The following ITGA6 variants were observed in gnomAD, a reference collection of about 807,000 sequenced individuals.
The protein encoded by ITGA6 is integrin subunit alpha 6, also known as integrin alpha-6.
A neutral mutation model predicts 133.6 loss-of-function variants in ITGA6; 63 were observed. The ratio of observed to expected loss-of-function variants is 0.47; its 90% CI spans 0.38 to 0.58. The LOEUF is 0.58. Ranked by LOEUF, ITGA6 falls within the 20% of genes least tolerant of loss-of-function variation. The pLI, the probability that ITGA6 is intolerant of heterozygous loss-of-function variation, is 0.00. For missense variants in ITGA6, 1,068 were observed against 1,309.4 expected, an observed-to-expected ratio of 0.82 and a Z score of 2.85; for synonymous variants, 434 against 482.0, an observed-to-expected ratio of 0.90 and a Z score of 1.30.
chr2:172,476,506 A>T lies in ITGA6; in HGVS notation c.1381A>T (p.Ile461Phe). ...TGGTTCCCTCTCAGATTCAGTAACT[A>T]TTTTCAGGTCTGTTATCTATGATTT... ...AVGSLSDSVTIFRSRPVINIQ... is the reference protein window; with the variant it reads ...AVGSLSDSVTFFRSRPVINIQ... The change falls in exon 9 of 26, where the codon ATT (isoleucine) becomes TTT (phenylalanine). Residue 461 changes from isoleucine to phenylalanine, a missense_variant. Ile to Phe is a conservative substitution (Grantham distance 21). This residue lies in a region of ITGA6 where 317 missense variants were observed against 456.9 expected (regional missense o/e 0.69). Coordinates refer to ENST00000684293, the MANE Select transcript of ITGA6 (RefSeq NM_000210.4). 6.5e-7 allele frequency: 1 copy of T among 1,541,584 alleles called. No individual in the cohort carries two copies. Among genetic ancestry groups the T allele is most frequent in the Non-Finnish European group, 9.0e-7 (1 of 1,114,002 alleles).
intron 11 of ITGA6, among the ~76,000 whole-genome samples, 173 bp downstream of exon 11, chr2:172,480,224 A>C (rs547634264): frequency 4.3e-4 from 65 of 152,340 alleles, no homozygotes; most frequent in Admixed American, 4.2e-3. Context: ...CAGCACCGTG[A>C]GGGAGGAAAA....
chr2:172,495,532 CAAAAACAAA>C (rs777529887), intron 23 of ITGA6: 7 of 151,222 alleles, frequency 4.6e-5, no homozygotes, highest in Non-Finnish European at 1.0e-4. Flanking sequence ...ATACCAGAAA[CAAAAACAAA>C]AAAAACAAAA....
intron 1 of ITGA6, among the ~76,000 whole-genome samples, chr2:172,456,184 G>A (rs1358560595): frequency 6.6e-6 from 1 of 152,170 alleles, no homozygotes; most frequent in Non-Finnish European, 1.5e-5. Context: ...TTCTGTCAGT[G>A]GATACCTGGA....
chr2:172,441,059 C>T (rs1451132878), intron 1 of ITGA6, among the ~76,000 whole-genome samples: 4 of 142,850 alleles, frequency 2.8e-5, no homozygotes, highest in African/African-American at 5.1e-5. Flanking sequence ...TTCTCCCCAC[C>T]CTGCTTCCTT....
intron 23 of ITGA6, among the ~76,000 whole-genome samples, chr2:172,497,234 G>A (rs762911698): frequency 3.9e-5 from 6 of 152,128 alleles, no homozygotes; most frequent in Admixed American, 2.0e-4. Flanking sequence ...GGCCAGGTGA[G>A]GTGGCTCATA....
At chr2:172,434,355 C>G (rs1280195862) in intron 1 of ITGA6, among the ~76,000 whole-genome samples, 1 of 152,180 alleles carries the variant, frequency 6.6e-6, no homozygotes, top group Non-Finnish European at 1.5e-5. Flanking sequence ...CAACTAATAA[C>G]AGGGTTTGAT....
chr2:172,459,266 C>T (rs10202463), intron 1 of ITGA6, among the ~76,000 whole-genome samples: 12,491 of 152,126 alleles, frequency 0.082, 723 homozygotes, highest in African/African-American at 0.17. Flanking sequence ...GTAGCTGGGG[C>T]CTCAAGGTAG....
chr2:172,448,795 T>G lies in ITGA6; in HGVS notation c.183-16744T>G, dbSNP rs1462755817. Among the ~76,000 whole-genome samples, 5 of 152,288 alleles carry G rather than the reference T, an allele frequency of 3.3e-5. No homozygotes were observed. In the East Asian group the frequency reaches 7.7e-4, roughly 23 times the overall value. On this transcript the variant is annotated intron_variant, in intron 1 of 25. Coordinates refer to ENST00000684293, the MANE Select transcript of ITGA6 (RefSeq NM_000210.4). The stretch of plus-strand genomic sequence containing the variant: ...AACTGGATTATCCAGTAAGTATAAT[T>G]TAAAAATAGGGTTTGGTTTTTCTTC...
intron 10 of ITGA6, 47 bp downstream of exon 10, chr2:172,479,786 C>G: frequency 6.7e-7 from 1 of 1,497,588 alleles, no homozygotes; most frequent in Non-Finnish European, 9.3e-7. Context: ...TTTCCCACCT[C>G]CACTTCATGA....
At chr2:172,450,922 T>C (rs1272205810) in intron 1 of ITGA6, among the ~76,000 whole-genome samples, 2 of 147,060 alleles carry the variant, frequency 1.4e-5, no homozygotes, top group Non-Finnish European at 3.0e-5. Context: ...ATATAAATTA[T>C]ATAAATTTAA....
intron 1 of ITGA6, among the ~76,000 whole-genome samples, chr2:172,452,109 A>G (rs957362624): frequency 1.3e-5 from 2 of 152,066 alleles, no homozygotes; most frequent in East Asian, 3.9e-4. Context: ...TTTGATTTAG[A>G]AAGAGGTGGA....
chr2:172,498,831 A>C (rs189799943), intron 24 of ITGA6, among the ~76,000 whole-genome samples: 5 of 152,304 alleles, frequency 3.3e-5, no homozygotes, highest in African/African-American at 9.6e-5. Context: ...CCATTCCAAA[A>C]AGCTCTGAAA....
chr2:172,475,184 G>T, intron 7 of ITGA6, 62 bp downstream of exon 7: 1 of 1,145,496 alleles, frequency 8.7e-7, no homozygotes, highest in East Asian at 2.4e-5. Flanking sequence ...AAATAATAGC[G>T]CTGCTGGGCA....
chr2:172,485,017 G>C, intron 12 of ITGA6, 75 bp downstream of exon 12: 1 of 1,599,466 alleles, frequency 6.3e-7, no homozygotes, highest in South Asian at 1.1e-5. Context: ...ACAGATTTCT[G>C]AAATTTATTC....
chr2:172,469,477 G>A (rs377310293), intron 4 of ITGA6, 97 bp downstream of exon 4: 49 of 1,118,352 alleles, frequency 4.4e-5, no homozygotes, highest in South Asian at 2.2e-4. Flanking sequence ...GAAGACATTC[G>A]TATATTATAA....
rs1212437087 is a variant in ITGA6, at chr2:172,505,397, A to AAACAGTT, written c.*1332_*1338dup. On this transcript the variant is annotated 3_prime_UTR_variant, in exon 26 of 26. Coordinates refer to ENST00000684293, the MANE Select transcript of ITGA6 (RefSeq NM_000210.4). ...TATAAGACTACTGAATCTGCTACCA[A>AAACAGTT]AACAGTTAATCAGTGAGTCGATGTT... 9 of 152,180 alleles carry AAACAGTT rather than the reference A, an allele frequency of 5.9e-5. No individual in the cohort carries two copies. The highest frequency in any genetic ancestry group is 2.6e-4 in the Admixed American group (4 of 15,276). 9.4% of individuals were successfully genotyped at this position (152,180 alleles called of 1,614,324 possible).
At position 172,450,833 on chromosome 2, in the gene ITGA6, A is replaced by T. The variant is rs1008484214; in HGVS notation, c.183-14706A>T. 2.4e-3 allele frequency among the ~76,000 whole-genome samples: 349 copies of T among 146,636 alleles called. 2 individuals carry two copies. The highest frequency in any genetic ancestry group is 4.1e-3 in the Non-Finnish European group (275 of 67,014). ...TTGTATGTATGTGTATATATATATA[A>T]AATATATATATAATTTATGTATTTA... On this transcript the variant is annotated intron_variant, in intron 1 of 25. Coordinates refer to ENST00000684293, the MANE Select transcript of ITGA6 (RefSeq NM_000210.4).
intron 24 of ITGA6, among the ~76,000 whole-genome samples, chr2:172,499,994 T>G (rs1202603022): frequency 6.6e-6 from 1 of 152,228 alleles, no homozygotes; most frequent in Admixed American, 6.5e-5. Context: ...AAAATACGAC[T>G]TATACAACCC....
In ITGA6 at chr2:172,474,850, T is replaced by A. The variant is rs974235480; in HGVS notation, c.987-79T>A. 8.8e-6 allele frequency: 7 copies of A among 793,458 alleles called. No individual in the cohort carries two copies. The African/African-American group carries it at 1.2e-4, about 13-fold the overall frequency. 49.2% of individuals were successfully genotyped at this position (793,458 alleles called of 1,614,324 possible). A position where few individuals can be genotyped will look rare whatever the true frequency, so the allele number is the denominator to read the frequency against. ...TGAGGGCCTTTCTATTATATGTCTT[T>A]GTATCCTTAGTACCTAGACTGGTGT... On this transcript the variant is annotated intron_variant, in intron 6 of 25. Coordinates refer to ENST00000684293, the MANE Select transcript of ITGA6 (RefSeq NM_000210.4).
Sources: gnomAD v4.1 joint callset for allele counts (sites outside exome capture counted in the v4.1 genomes callset) on GRCh38, gnomAD v4.1.1 for gene constraint, gnomAD v4.1.1 regional missense constraint, MANE v1.5 for transcripts, NCBI Gene and HGNC (gene_info 2026-07-23, HGNC 2026-07-21) for gene names.